The following DLG2 variants were observed in gnomAD, a reference collection of about 807,000 sequenced individuals.
DLG2 encodes the protein discs large MAGUK scaffold protein 2.
A neutral mutation model predicts 132.5 loss-of-function variants in DLG2; 45 were observed. The observed-to-expected ratio is 0.34, with a 90% CI of 0.27 to 0.44. The LOEUF is 0.44. DLG2 is among the 20% of genes least tolerant of loss of function. DLG2 has a pLI of 1.00. For synonymous variants in DLG2, 424 were observed against 419.6 expected, an observed-to-expected ratio of 1.01 and a Z score of -0.13; for missense variants, 1,045 against 1,196.9, an observed-to-expected ratio of 0.87 and a Z score of 1.87.
At chr11:85,548,537 C>G (rs193011605) in intron 3 of DLG2, among the ~76,000 whole-genome samples, 1 of 152,316 alleles carries the variant, frequency 6.6e-6, no homozygotes, top group Admixed American at 6.5e-5. Flanking sequence ...ATCCACTGCT[C>G]TCTTCAGAGC....
intron 18 of DLG2, among the ~76,000 whole-genome samples, chr11:83,677,662 T>C (rs1012544560): frequency 6.6e-6 from 1 of 152,118 alleles, no homozygotes; most frequent in African/African-American, 2.4e-5. Flanking sequence ...GTTAATTGCA[T>C]AATAGCTTTC....
chr11:85,081,302 G>A (rs1019338669), intron 6 of DLG2, among the ~76,000 whole-genome samples: 2 of 152,128 alleles, frequency 1.3e-5, no homozygotes, highest in Admixed American at 6.5e-5. Context: ...CAGAGAATAC[G>A]TGAGTCTTAG....
intron 4 of DLG2, among the ~76,000 whole-genome samples, chr11:85,233,781 G>A (rs531940905): frequency 1.1e-4 from 17 of 150,910 alleles, no homozygotes; most frequent in Middle Eastern, 3.4e-3. Flanking sequence ...TCTGGTGGTG[G>A]TGGCTGTTGT....
intron 11 of DLG2, among the ~76,000 whole-genome samples, chr11:84,046,983 T>C (rs2096254281): frequency 6.6e-6 from 1 of 151,630 alleles, no homozygotes; most frequent in South Asian, 2.1e-4. Flanking sequence ...CAAGTTTTAA[T>C]GTATTGGATC....
At chr11:85,011,118 C>T (rs1381184368) in intron 6 of DLG2, among the ~76,000 whole-genome samples, 2 of 152,106 alleles carry the variant, frequency 1.3e-5, no homozygotes, top group African/African-American at 4.8e-5. Flanking sequence ...CCCACCAACA[C>T]TTACAAACAA....
intron 3 of DLG2, among the ~76,000 whole-genome samples, chr11:85,341,806 A>G (rs954571695): frequency 3.9e-5 from 6 of 152,224 alleles, no homozygotes; most frequent in African/African-American, 1.4e-4. Context: ...CCTGCTACAC[A>G]CTTACACTAT....
intron 6 of DLG2, among the ~76,000 whole-genome samples, chr11:84,607,381 C>A (rs1207018288): frequency 6.6e-6 from 1 of 152,120 alleles, no homozygotes; most frequent in Admixed American, 6.6e-5. Context: ...ATAAAACCTT[C>A]CACTTCTTGA....
chr11:85,156,273 G>A (rs2077580720), intron 4 of DLG2, among the ~76,000 whole-genome samples: 1 of 152,156 alleles, frequency 6.6e-6, no homozygotes, highest in African/African-American at 2.4e-5. Flanking sequence ...GTGTCTACAT[G>A]TATGTGTTTA....
In DLG2 at chr11:83,456,483, A is replaced by G. The variant is rs995786400; in HGVS notation, c.*3335T>C. On this transcript the variant is annotated 3_prime_UTR_variant, in exon 28 of 28. Coordinates refer to ENST00000376104, the MANE Select transcript of DLG2 (RefSeq NM_001142699.3). ...AATCAATACAGGGATGTACGGGAGAAGATGATCAGAGATTTGAGGAGAGGA... is the reference window on the plus strand; with the variant it reads ...AATCAATACAGGGATGTACGGGAGAGGATGATCAGAGATTTGAGGAGAGGA... The G allele has an allele frequency of 4.6e-5, 7 of 152,804 alleles. No individual in the cohort carries two copies. The highest frequency in any genetic ancestry group is 1.7e-4 in the African/African-American group (7 of 41,434). The allele number at this position is 152,804 out of a possible 1,614,324, so 9.5% of individuals were successfully genotyped here.
chr11:84,502,350 CTTTCTTTCTTTCT>C (rs2099219445), intron 7 of DLG2, among the ~76,000 whole-genome samples: 1 of 53,286 alleles, frequency 1.9e-5, no homozygotes, highest in Non-Finnish European at 3.3e-5. Context: ...TTCTTTCTTT[CTTTCTTTCTTTCT>C]TTCTTTCTTT....
intron 11 of DLG2, among the ~76,000 whole-genome samples, chr11:83,986,808 C>CAG (rs1198939406): frequency 6.6e-6 from 1 of 152,068 alleles, no homozygotes; most frequent in Non-Finnish European, 1.5e-5. Context: ...CTCTGATGGC[C>CAG]AGTGATGGTG....
chr11:83,704,103 A>G (rs1346763940), intron 18 of DLG2, among the ~76,000 whole-genome samples: 1 of 152,166 alleles, frequency 6.6e-6, no homozygotes, highest in African/African-American at 2.4e-5. Context: ...TTTATTTTTT[A>G]TAATTTAAAA....
intron 6 of DLG2, among the ~76,000 whole-genome samples, chr11:85,052,015 G>C (rs1327464831): frequency 2.0e-5 from 3 of 152,124 alleles, no homozygotes; most frequent in African/African-American, 7.2e-5. Context: ...AAAATAGCTA[G>C]AAAGACACTT....
At chr11:84,036,135 C>T (rs773496907) in intron 11 of DLG2, among the ~76,000 whole-genome samples, 4 of 151,920 alleles carry the variant, frequency 2.6e-5, no homozygotes, top group Admixed American at 2.0e-4. Context: ...ATGAGACTAC[C>T]TAGGAGAAGA....
intron 3 of DLG2, among the ~76,000 whole-genome samples, chr11:85,435,667 C>T (rs944538601): frequency 3.3e-5 from 5 of 152,120 alleles, no homozygotes; most frequent in East Asian, 1.9e-4. Flanking sequence ...AGAGAGGACA[C>T]AAACAAATGG....
intron 6 of DLG2, among the ~76,000 whole-genome samples, chr11:84,946,387 G>A (rs2050201411): frequency 6.6e-6 from 1 of 152,074 alleles, no homozygotes; most frequent in Non-Finnish European, 1.5e-5. Context: ...GGCAACAACT[G>A]ATGCTTATTC....
chr11:84,714,559 T>TC (rs1565748293), intron 6 of DLG2, among the ~76,000 whole-genome samples: 1 of 56,332 alleles, frequency 1.8e-5, no homozygotes. Context: ...TTCTCTCTCT[T>TC]TCTCTTTCTC....
At chr11:83,726,105 T>C (rs950127549) in intron 18 of DLG2, among the ~76,000 whole-genome samples, 2 of 152,240 alleles carry the variant, frequency 1.3e-5, no homozygotes, top group African/African-American at 4.8e-5. Context: ...GTAAATGTTT[T>C]ATTTTTTAAA....
At chr11:84,833,661 G>T (rs961396539) in intron 6 of DLG2, among the ~76,000 whole-genome samples, 2 of 151,422 alleles carry the variant, frequency 1.3e-5, no homozygotes, top group Non-Finnish European at 3.0e-5. Flanking sequence ...CAGTTGTGGG[G>T]GGGTGGGCAA....
Sources: gnomAD v4.1 joint callset for allele counts (sites outside exome capture counted in the v4.1 genomes callset) on GRCh38, gnomAD v4.1.1 for gene constraint, MANE v1.5 for transcripts, NCBI Gene and HGNC (gene_info 2026-07-23, HGNC 2026-07-21) for gene names.